The following ERG variants were observed in gnomAD, a reference collection of about 807,000 sequenced individuals.
ERG encodes transcriptional regulator ERG.
Under a neutral mutation model 55.3 loss-of-function variants are expected in ERG, and 9 were observed. The ratio of observed to expected loss-of-function variants is 0.16; its 90% CI spans 0.10 to 0.28. ERG has a LOEUF of 0.28. ERG is among the 10% of genes least tolerant of loss of function. ERG has a pLI of 1.00. For synonymous variants in ERG, 223 were observed against 237.3 expected (o/e 0.94, Z 0.55); for missense variants, 434 against 631.6 (o/e 0.69, Z 3.35).
chr21:38,492,246 A>C (rs989360455), intron 1 of ERG, among the ~76,000 whole-genome samples: 7 of 152,232 alleles, frequency 4.6e-5, no homozygotes, highest in African/African-American at 1.7e-4. Context: ...TGAGGATCAC[A>C]TGAGACATTA....
chr21:38,567,793 ATC>A (rs2059932282), intron 2 of ERG, among the ~76,000 whole-genome samples: 1 of 152,176 alleles, frequency 6.6e-6, no homozygotes, highest in Non-Finnish European at 1.5e-5. Flanking sequence ...ACATCGCCTA[ATC>A]CCTTCCTCGC....
chr21:38,497,102 G>C (rs1448683733), intron 1 of ERG, among the ~76,000 whole-genome samples: 5 of 152,178 alleles, frequency 3.3e-5, no homozygotes. Context: ...AAAGTATAAG[G>C]TGAAAGTTCT....
intron 1 of ERG, among the ~76,000 whole-genome samples, chr21:38,649,976 C>A (rs915047010): frequency 5.9e-5 from 9 of 152,316 alleles, no homozygotes; most frequent in South Asian, 2.1e-4. Flanking sequence ...TTTTAATAAA[C>A]CACAATATTC....
In ERG at chr21:38,633,492, G is replaced by A. The variant is rs917448566; in HGVS notation, c.-150+28166C>T. 7.2e-5 allele frequency among the ~76,000 whole-genome samples: 11 copies of A among 152,166 alleles called. No individual in the cohort carries two copies. In the East Asian group the frequency reaches 7.7e-4, roughly 11 times the overall value. On this transcript the variant is annotated intron_variant, in intron 1 of 10. Transcript: ENST00000398910. Reference sequence around the variant, plus strand: ...TAAAGCATACAACACTGGATGGCACGAGCGAGCATTTCTCAAATGTCATCG... The same window carrying A: ...TAAAGCATACAACACTGGATGGCACAAGCGAGCATTTCTCAAATGTCATCG...
chr21:38,604,296 A>G (rs1053758392), intron 1 of ERG, among the ~76,000 whole-genome samples: 1 of 152,072 alleles, frequency 6.6e-6, no homozygotes, highest in African/African-American at 2.4e-5. Context: ...TTAATAGCAA[A>G]TCTCCATTCT....
At chr21:38,498,767 G>T (rs767250547), upstream of ERG, among the ~76,000 whole-genome samples, 2 of 152,160 alleles carry the variant, frequency 1.3e-5, no homozygotes, top group African/African-American at 2.4e-5. The surrounding 1 kb of genome is among the most constrained non-coding windows in gnomAD (Gnocchi z 4.6). Context: ...ATGGGACTCC[G>T]CATGGCTTCA....
intron 6 of ERG, chr21:38,395,626 T>G (rs1485997906): frequency 2.2e-5 from 4 of 180,454 alleles, no homozygotes; most frequent in Non-Finnish European, 4.7e-5. Flanking sequence ...CATAGGCAGC[T>G]TGGGTGAACA....
chr21:38,619,118 T>C (rs2146939586), intron 1 of ERG, among the ~76,000 whole-genome samples: 1 of 152,304 alleles, frequency 6.6e-6, no homozygotes, highest in African/African-American at 2.4e-5. Context: ...TTCTCCAAGA[T>C]GGTGTCAATG....
rs1424938774 is a variant in ERG, at chr21:38,383,922, G to A, written c.921C>T (p.Gly307=). 8 of 1,611,820 alleles carry A rather than the reference G, an allele frequency of 5.0e-6. No homozygotes were observed. Among genetic ancestry groups the A allele is most frequent in the Non-Finnish European group, 6.8e-6 (8 of 1,179,120 alleles). Residue 307 remains glycine, a splice_region_variant and synonymous_variant, in exon 10 of 10, where the codon GGC becomes GGT. Transcript: ENST00000288319. This position sits in a 1 kb window ranked among gnomAD's most constrained non-coding sequence, Gnocchi z 5.7. ...GPTSSRLANP[G]SGQIQLWQFL... ...ACTGCCAAAGCTGGATCTGGCCACT[G>A]CCTAATGAGGTCAGGAGAGGAAGGA...
intron 1 of ERG, among the ~76,000 whole-genome samples, chr21:38,458,563 C>T (rs180994639): frequency 3.1e-4 from 47 of 152,188 alleles, no homozygotes; most frequent in East Asian, 7.7e-4. Flanking sequence ...AATGCACTTT[C>T]GCAATATTTA....
chr21:38,370,660 G>T, the ERG span, among the ~76,000 whole-genome samples: 8 of 151,616 alleles, frequency 5.3e-5, no homozygotes, highest in African/African-American at 1.9e-4. Context: ...TAGTTGTTTG[G>T]CCTCATTTAT....
At chr21:38,558,394 T>C (rs2059871379) in intron 2 of ERG, among the ~76,000 whole-genome samples, 1 of 152,212 alleles carries the variant, frequency 6.6e-6, no homozygotes, top group Non-Finnish European at 1.5e-5. Context: ...ATATTGGTAA[T>C]AGTTTTAAGT....
Position 38,498,091 on chromosome 21 carries a change from C to G in ERG, c.18+272G>C, listed in dbSNP as rs1189036214. 1.3e-5 allele frequency among the ~76,000 whole-genome samples: 2 copies of G among 152,172 alleles called. No individual in the cohort carries two copies. The highest frequency in any genetic ancestry group is 2.4e-5 in the African/African-American group (1 of 41,432). On this transcript the variant is annotated intron_variant, in intron 1 of 9. Transcript: ENST00000288319. The surrounding 1 kb of genome is among the most constrained non-coding windows in gnomAD (Gnocchi z 4.6). ...GTTAGAGAATCTGAAAATTCAGAAG[C>G]GCTCCGAAAAGCCTTTCCAAAAGTA...
At position 38,559,245 on chromosome 21, in the gene ERG, A is replaced by G. The variant is rs190845355; in HGVS notation, c.-41+16417T>C. ...AAAAATCCTTAAATCTGTCAGAAGC[A>G]GGAGGTTGGAGTGGGAGAATTGCAG... is the stretch of plus-strand genomic sequence containing the variant. On this transcript the variant is annotated intron_variant, in intron 2 of 8. Transcript: ENST00000398897. Among the ~76,000 whole-genome samples, 263 of 152,272 alleles carry G rather than the reference A, an allele frequency of 1.7e-3. 3 individuals are homozygous for G. The highest frequency in any genetic ancestry group is 3.0e-3 in the Admixed American group (46 of 15,302).
At chr21:38,560,569 A>T (rs1188459046) in intron 2 of ERG, among the ~76,000 whole-genome samples, 2 of 152,066 alleles carry the variant, frequency 1.3e-5, no homozygotes, top group Non-Finnish European at 2.9e-5. Flanking sequence ...TTTATCCTTC[A>T]CAGGCACAGC....
rs1439317556 is a variant in ERG at position 38,420,414 on chromosome 21, T to C, written c.388+2996A>G. The stretch of plus-strand genomic sequence containing the variant: ...CAAAATCAGCCACAACTAGCTCTCT[T>C]ACAAACACTATTAACTGAATAACTG... On this transcript the variant is annotated intron_variant, in intron 3 of 9. Coordinates refer to ENST00000288319, the MANE Select transcript of ERG (RefSeq NM_182918.4). 2.6e-5 allele frequency among the ~76,000 whole-genome samples: 4 copies of C among 152,136 alleles called. No individual in the cohort carries two copies. In the East Asian group the frequency reaches 5.8e-4, roughly 22 times the overall value.
In ERG at chr21:38,424,181, G is replaced by GCGCTCTCTCT. The variant is rs1555896858; in HGVS notation, c.237-621_237-620insAGAGAGAGCG. Among the ~76,000 whole-genome samples, 246 of 88,062 alleles carry GCGCTCTCTCT rather than the reference G, an allele frequency of 2.8e-3. 6 individuals carry two copies. The highest frequency in any genetic ancestry group is 0.013 in the Middle Eastern group (2 of 154). 57.8% of individuals were successfully genotyped at this position (88,062 alleles called of 152,430 possible). ...CTTATTAGAAAAGAAAGAGACCAGA[G>GCGCTCTCTCT]CTCGAGCTCTCTCTCTCTCTCTCTC... On this transcript the variant is annotated intron_variant, in intron 2 of 9. Coordinates refer to ENST00000288319, the MANE Select transcript of ERG (RefSeq NM_182918.4).
the ERG span, among the ~76,000 whole-genome samples, chr21:38,371,599 C>G: frequency 6.6e-6 from 1 of 151,926 alleles, no homozygotes; most frequent in South Asian, 2.1e-4. Flanking sequence ...CTTAATTTTA[C>G]TTTCTATATG....
At chr21:38,490,681 C>T (rs2059327888) in intron 1 of ERG, among the ~76,000 whole-genome samples, 4 of 152,204 alleles carry the variant, frequency 2.6e-5, no homozygotes, top group Admixed American at 6.5e-5. Context: ...GTGGAGAAGG[C>T]GGAGCTGACC....
Sources: allele counts gnomAD v4.1 joint callset (sites outside exome capture counted in the v4.1 genomes callset), GRCh38; gene constraint gnomAD v4.1.1; non-coding constraint Gnocchi (gnomAD v3.1); transcripts MANE v1.5; gene names NCBI Gene and HGNC (gene_info 2026-07-23, HGNC 2026-07-21).